Variants in MGAM observed in about 807,000 individuals in gnomAD.
The protein encoded by MGAM is maltase-glucoamylase, also known as alpha-1,4-glucosidase.
Under a neutral mutation model 358.8 loss-of-function variants are expected in MGAM, and 253 were observed. That is an observed-to-expected ratio of 0.71 (90% CI 0.64 to 0.78). The LOEUF (loss-of-function observed/expected upper bound fraction) is 0.78, where lower values mean the gene tolerates loss of function less well. Ranked by LOEUF, MGAM falls within the 30% of genes least tolerant of loss-of-function variation. MGAM has a pLI of 0.00. For synonymous variants in MGAM, 1,105 were observed against 1,227.1 expected, an observed-to-expected ratio of 0.90 and a Z score of 2.08; for missense variants, 3,080 against 3,432.6, an observed-to-expected ratio of 0.90 and a Z score of 2.57.
Position 142,045,876 on chromosome 7 carries a change from T to C in MGAM, c.2499-1909T>C, listed in dbSNP as rs1432284183. On this transcript the variant is annotated intron_variant, in intron 21 of 70. Transcript: ENST00000475668. ...ATATATATATTATATATACATACAA[T>C]ATGTAATATATATATTATGTATACA... 5.2e-5 allele frequency among the ~76,000 whole-genome samples: 6 copies of C among 114,610 alleles called. 1 individual carries two copies. The highest frequency in any genetic ancestry group is 9.9e-5 in the Non-Finnish European group (6 of 60,718). The allele number at this position is 114,610 out of a possible 152,430, so 75.2% of individuals were successfully genotyped here. A position where few individuals can be genotyped will look rare whatever the true frequency, so the allele number is the denominator to read the frequency against.
chr7:142,058,442 A>G, intron 31 of MGAM, 114 bp downstream of exon 31: 24 of 1,529,188 alleles, frequency 1.6e-5, no homozygotes, highest in South Asian at 6.3e-5. Context: ...TCTTTTTCAG[A>G]CAATATCACA....
chr7:142,050,152 A>T, intron 22 of MGAM, 83 bp from the exon 23 acceptor site: 4 of 1,362,028 alleles, frequency 2.9e-6, no homozygotes, highest in Non-Finnish European at 4.2e-6. Context: ...ACCTCAAGGC[A>T]TAGCTGAAAG....
chr7:142,030,725 A>T lies in MGAM; in HGVS notation c.1438A>T (p.Ser480Cys). ...RGSDMKIWVNSSDGVTPLIGE... is the reference protein window; with the variant it reads ...RGSDMKIWVNCSDGVTPLIGE... ...TTCAGATATGAAGATATGGGTGAAT[A>T]GTTCAGATGGAGTGACTCCACTCAT... is the stretch of plus-strand genomic sequence containing the variant. Residue 480 changes from serine (S) to cysteine (C), a missense_variant, in exon 12 of 71, where the codon AGT (serine) becomes TGT (cysteine). Ser to Cys is a moderately radical substitution (Grantham distance 112). Transcript: ENST00000475668. 6.2e-7 allele frequency: 1 copy of T among 1,611,750 alleles called. No individual in the cohort carries two copies. Among genetic ancestry groups the T allele is most frequent in the Non-Finnish European group, 8.5e-7 (1 of 1,178,024 alleles).
intron 10 of MGAM, among the ~76,000 whole-genome samples, chr7:142,028,742 A>G (rs1807190160): frequency 6.6e-6 from 1 of 152,168 alleles, no homozygotes; most frequent in Non-Finnish European, 1.5e-5. Flanking sequence ...GCTTAATGGA[A>G]TTGAGATTCA....
chr7:142,049,803 C>T (rs565899096), intron 22 of MGAM, among the ~76,000 whole-genome samples: 1 of 152,244 alleles, frequency 6.6e-6, no homozygotes, highest in Non-Finnish European at 1.5e-5. Context: ...GAGATAAGTG[C>T]TGGCGAGGAT....
rs766136607 is a variant in MGAM, at chr7:142,105,919, A to G, written c.*28A>G. ...TTTTACAGCAAGATTCTAACTAACT[A>G]TGAATGACTTTGAAACTACTTATAC... On this transcript the variant is annotated 3_prime_UTR_variant, in exon 71 of 71. Transcript: ENST00000475668. 8 of 1,531,958 alleles carry G rather than the reference A, an allele frequency of 5.2e-6. No individual in the cohort carries two copies. The highest frequency in any genetic ancestry group is 3.4e-5 in the South Asian group (3 of 89,192). 94.9% of individuals were successfully genotyped at this position (1,531,958 alleles called of 1,614,324 possible). A position where few individuals can be genotyped will look rare whatever the true frequency, so the allele number is the denominator to read the frequency against.
At chr7:142,027,583 A>C in intron 9 of MGAM, 27 bp from the exon 10 acceptor site, 3 of 1,611,088 alleles carry the variant, frequency 1.9e-6, no homozygotes, top group Non-Finnish European at 2.5e-6. Flanking sequence ...AGTATTTGCT[A>C]ATTTTCACTT....
intron 35 of MGAM, 31 bp downstream of exon 35, chr7:142,062,733 G>A: frequency 6.2e-7 from 1 of 1,611,364 alleles, no homozygotes; most frequent in Non-Finnish European, 8.5e-7. Context: ...GTGTACCAGT[G>A]GCTCTTGTCT....
At chr7:142,040,568 T>A in intron 20 of MGAM, 154 bp from the exon 21 acceptor site, 1 of 1,005,520 alleles carries the variant, frequency 9.9e-7, no homozygotes, top group East Asian at 2.7e-5. Flanking sequence ...CATGTTATTC[T>A]TGATTTTTTT....
chr7:142,029,714 T>C (rs1267458647), intron 10 of MGAM, among the ~76,000 whole-genome samples: 1 of 152,210 alleles, frequency 6.6e-6, no homozygotes, highest in Non-Finnish European at 1.5e-5. Context: ...TAAGTTTGAA[T>C]GTACCTATGA....
intron 27 of MGAM, 88 bp from the exon 28 acceptor site, chr7:142,055,470 A>G: frequency 6.7e-7 from 1 of 1,501,268 alleles, no homozygotes. Context: ...GGTAGGAATC[A>G]AGTGTTCTGT....
In MGAM at chr7:142,066,423, G is replaced by A. The variant is rs749714306; in HGVS notation, c.4771-150G>A. ...TAGGAGAGCTTTGGTGACTCTTTCC[G>A]GTCTATTAAGAATATTCTCTGGGCC... On this transcript the variant is annotated intron_variant, in intron 40 of 70. Coordinates refer to ENST00000475668, the MANE Select transcript of MGAM (RefSeq NM_001365693.1). 28 of 952,100 alleles carry A rather than the reference G, an allele frequency of 2.9e-5. 2 individuals are homozygous for A. The highest frequency in any genetic ancestry group is 9.0e-5 in the Admixed American group (3 of 33,162). The allele number at this position is 952,100 out of a possible 1,614,324, so 59.0% of individuals were successfully genotyped here.
chr7:141,987,478 C>T (rs1554446446), intron 2 of MGAM, among the ~76,000 whole-genome samples: 5 of 152,146 alleles, frequency 3.3e-5, no homozygotes, highest in Non-Finnish European at 7.3e-5. Context: ...AGGGCGAATC[C>T]ATCTGGACGA....
rs773160209 is a variant in MGAM at position 142,059,945 on chromosome 7, T to G, written c.4038T>G (p.Asp1346Glu). Reference sequence around the variant, plus strand: ...ACGTCTTCATCAAATACCCAAATGATGGAGACATTGTCTGGGGAAAGGTAT... The same window carrying G: ...ACGTCTTCATCAAATACCCAAATGAGGGAGACATTGTCTGGGGAAAGGTAT... Reference protein sequence around the residue: ...EDDVFIKYPNDGDIVWGKVWP... With the variant: ...EDDVFIKYPNEGDIVWGKVWP... Residue 1346 changes from aspartate to glutamate, a missense_variant, in exon 33 of 71, where the codon GAT (aspartate) becomes GAG (glutamate). By Grantham distance (45) the Asp-to-Glu change is conservative (BLOSUM62 2). Transcript: ENST00000475668. 8 of 1,607,014 alleles carry G rather than the reference T, an allele frequency of 5.0e-6. No individual in the cohort carries two copies. The African/African-American group carries it at 1.1e-4, about 21-fold the overall frequency.
intron 29 of MGAM, 80 bp downstream of exon 29, chr7:142,056,176 GT>G: frequency 7.4e-7 from 1 of 1,359,202 alleles, no homozygotes; most frequent in Non-Finnish European, 1.0e-6. Context: ...TAGCCTAACT[GT>G]TCCTTGAAGG....
chr7:142,091,481 C>G (rs1156713705), intron 57 of MGAM, among the ~76,000 whole-genome samples: 1 of 145,920 alleles, frequency 6.9e-6, no homozygotes, highest in Non-Finnish European at 1.5e-5. Flanking sequence ...CCTTCCTCCC[C>G]TCTCGCAGTG....
At position 142,041,953 on chromosome 7, in the gene MGAM, T is replaced by TATATAATATATATATATTATATATATATA. The variant is rs1808712927; in HGVS notation, c.2498+1135_2498+1163dup. Among the ~76,000 whole-genome samples, 20 of 22,440 alleles carry TATATAATATATATATATTATATATATATA rather than the reference T, an allele frequency of 8.9e-4. 1 individual carries two copies. Among genetic ancestry groups the TATATAATATATATATATTATATATATATA allele is most frequent in the African/African-American group, 2.7e-3 (13 of 4,842 alleles). The allele number at this position is 22,440 out of a possible 152,430, so 14.7% of individuals were successfully genotyped here. ...AATATATATATTATATATATACATA[T>TATATAATATATATATATTATATATATATA]ATATAATATATATATATTATATATA... On this transcript the variant is annotated intron_variant, in intron 21 of 70. Transcript: ENST00000475668.
In MGAM at chr7:142,083,404, G is replaced by C. The variant is rs745423688; in HGVS notation, c.6372G>C (p.Gln2124His). The C allele has an allele frequency of 6.5e-6, 10 of 1,543,276 alleles. No individual in the cohort carries two copies. Among genetic ancestry groups the C allele is most frequent in the Non-Finnish European group, 6.2e-6 (7 of 1,123,676 alleles). The change falls in exon 53 of 71, where the codon CAG becomes CAC. Residue 2124 changes from glutamine (Q) to histidine (H), a missense_variant. Coordinates refer to ENST00000475668, the MANE Select transcript of MGAM (RefSeq NM_001365693.1). ...CAACTCCAGAGCTTGTCACCCAGCAGTACACTGAGGTAGGGAGAAATCCAA... is the reference window on the plus strand; with the variant it reads ...CAACTCCAGAGCTTGTCACCCAGCACTACACTGAGGTAGGGAGAAATCCAA... ...LGPTPELVTQ[Q>H]YTELIGRPVM...
intron 53 of MGAM, among the ~76,000 whole-genome samples, chr7:142,083,749 A>G (rs569631421): frequency 3.6e-5 from 5 of 138,972 alleles, no homozygotes; most frequent in African/African-American, 1.1e-4. Flanking sequence ...AATGGTGATA[A>G]TGATGGTGGT....
Sources: allele counts gnomAD v4.1 joint callset (sites outside exome capture counted in the v4.1 genomes callset), GRCh38; gene constraint gnomAD v4.1.1; transcripts MANE v1.5; gene names NCBI Gene and HGNC (gene_info 2026-07-23, HGNC 2026-07-21).